CSMD1: variants seen among roughly 807,000 people sequenced by gnomAD.
CSMD1 encodes the protein CUB and Sushi multiple domains 1.
In CSMD1, 213 loss-of-function variants were observed where a neutral mutation model predicts 417.5. The observed-to-expected ratio is 0.51, with a 90% CI of 0.46 to 0.57. The LOEUF (loss-of-function observed/expected upper bound fraction) is 0.57, where lower values mean the gene tolerates loss of function less well. CSMD1 is among the 20% of genes least tolerant of loss of function. The pLI is 0.00. For synonymous variants in CSMD1, 2,862 were observed against 1,736.8 expected (o/e 1.65, Z -16.11); for missense variants, 6,923 against 4,529.7 (o/e 1.53, Z -15.17).
At chr8:4,335,865 G>A (rs539564454) in intron 3 of CSMD1, among the ~76,000 whole-genome samples, 5 of 152,174 alleles carry the variant, frequency 3.3e-5, no homozygotes, top group East Asian at 3.9e-4. Flanking sequence ...GGGAGAACAG[G>A]GGGACGAGAA....
intron 1 of CSMD1, among the ~76,000 whole-genome samples, chr8:4,992,936 G>A (rs1811553599): frequency 6.6e-6 from 1 of 152,212 alleles, no homozygotes. Context: ...CGGTGAGGAG[G>A]AGCTGGTGCT....
chr8:4,092,262 T>G (rs534907823), intron 3 of CSMD1, among the ~76,000 whole-genome samples: 1 of 152,140 alleles, frequency 6.6e-6, no homozygotes, highest in Non-Finnish European at 1.5e-5. Context: ...CTCCATTAAT[T>G]TGTTCCAACC....
chr8:3,313,148 C>T (rs931543981), intron 23 of CSMD1, among the ~76,000 whole-genome samples: 2 of 152,104 alleles, frequency 1.3e-5, no homozygotes, highest in African/African-American at 2.4e-5. Context: ...AAATGTTAGA[C>T]CTAAAACCAT....
intron 3 of CSMD1, among the ~76,000 whole-genome samples, chr8:4,160,340 C>A (rs1054028914): frequency 6.6e-6 from 1 of 152,042 alleles, no homozygotes; most frequent in Non-Finnish European, 1.5e-5. Flanking sequence ...TGATTGAAAA[C>A]CATTTTTTGT....
chr8:3,473,719 G>T (rs1030281194), intron 11 of CSMD1, among the ~76,000 whole-genome samples: 1 of 152,156 alleles, frequency 6.6e-6, no homozygotes, highest in Middle Eastern at 3.2e-3. Flanking sequence ...TGATGAAGAA[G>T]ATAGATTCCT....
At chr8:4,628,085 A>G (rs562483852) in intron 2 of CSMD1, among the ~76,000 whole-genome samples, 2 of 150,462 alleles carry the variant, frequency 1.3e-5, no homozygotes, top group African/African-American at 4.9e-5. Context: ...ATATACATAC[A>G]CATATATTAT....
chr8:3,063,044 A>G (rs910785204), intron 49 of CSMD1, among the ~76,000 whole-genome samples: 3 of 152,228 alleles, frequency 2.0e-5, no homozygotes, highest in Admixed American at 1.3e-4. Context: ...TCGGATGCCA[A>G]CCACCAATGT....
At chr8:4,395,696 G>T (rs1004371826) in intron 3 of CSMD1, among the ~76,000 whole-genome samples, 1 of 152,096 alleles carries the variant, frequency 6.6e-6, no homozygotes, top group Middle Eastern at 3.2e-3. Flanking sequence ...ACACAAACAT[G>T]TATGATGAAG....
At chr8:3,053,913 A>G (rs763855133) in intron 49 of CSMD1, among the ~76,000 whole-genome samples, 3 of 152,234 alleles carry the variant, frequency 2.0e-5, no homozygotes, top group Non-Finnish European at 4.4e-5. Context: ...TTAAATTCAG[A>G]TAGTTCAAAT....
intron 1 of CSMD1, among the ~76,000 whole-genome samples, chr8:4,990,750 G>C (rs761701132): frequency 1.3e-5 from 2 of 152,190 alleles, no homozygotes; most frequent in Admixed American, 6.5e-5. Flanking sequence ...GAAGGGTATT[G>C]GGTGCGGCTC....
intron 10 of CSMD1, among the ~76,000 whole-genome samples, chr8:3,544,072 T>A (rs929791178): frequency 2.0e-5 from 3 of 152,012 alleles, no homozygotes; most frequent in African/African-American, 4.8e-5. Flanking sequence ...GGCCAAGGTG[T>A]GAGAGGTGTT....
intron 3 of CSMD1, among the ~76,000 whole-genome samples, chr8:4,119,522 GC>G (rs1802357131): frequency 6.6e-6 from 1 of 152,150 alleles, no homozygotes; most frequent in South Asian, 2.1e-4. Context: ...TAGGTGGGGT[GC>G]TTGGGAAATA....
chr8:3,725,284 G>C (rs928538012), intron 6 of CSMD1, among the ~76,000 whole-genome samples: 1 of 152,156 alleles, frequency 6.6e-6, no homozygotes, highest in Non-Finnish European at 1.5e-5. Context: ...CAGGTCCAGG[G>C]CCATGAAGAC....
intron 59 of CSMD1, 114 bp downstream of exon 59, chr8:2,965,661 C>G (rs112176701): frequency 1.2e-6 from 1 of 823,938 alleles, no homozygotes; most frequent in Non-Finnish European, 1.9e-6. Flanking sequence ...AATTGCTGTT[C>G]AAGAATTCCT....
chr8:4,252,533 G>C (rs528881634), intron 3 of CSMD1, among the ~76,000 whole-genome samples: 13 of 152,124 alleles, frequency 8.5e-5, no homozygotes, highest in Admixed American at 3.3e-4. Flanking sequence ...ACCATAAAAT[G>C]CTCCTTAGAA....
At chr8:3,683,928 G>C (rs1799800154) in intron 7 of CSMD1, among the ~76,000 whole-genome samples, 1 of 151,830 alleles carries the variant, frequency 6.6e-6, no homozygotes, top group South Asian at 2.1e-4. Flanking sequence ...AGACCACTAA[G>C]TTTTAGCAAA....
intron 3 of CSMD1, among the ~76,000 whole-genome samples, chr8:4,156,639 G>T (rs1714778): frequency 6.6e-6 from 1 of 151,976 alleles, no homozygotes; most frequent in African/African-American, 2.4e-5. Context: ...TTGCTATTTG[G>T]TGATACCAGG....
chr8:4,503,484 T>G (rs4875353), intron 2 of CSMD1, among the ~76,000 whole-genome samples: 13,133 of 152,184 alleles, frequency 0.086, 736 homozygotes, highest in Non-Finnish European at 0.11. Context: ...CCTATACATA[T>G]TATTATATTC....
chr8:3,691,645 A>G (rs532033026), intron 7 of CSMD1, among the ~76,000 whole-genome samples: 20 of 152,250 alleles, frequency 1.3e-4, no homozygotes, highest in Admixed American at 1.2e-3. Context: ...GTTCCTAAGT[A>G]CCCTTTCGTG....
Sources: gnomAD v4.1 joint callset for allele counts (sites outside exome capture counted in the v4.1 genomes callset) on GRCh38, gnomAD v4.1.1 for gene constraint, MANE v1.5 for transcripts, NCBI Gene and HGNC (gene_info 2026-07-23, HGNC 2026-07-21) for gene names.